NR3C2: variants seen among roughly 807,000 people sequenced by gnomAD.
NR3C2 encodes the protein nuclear receptor subfamily 3 group C member 2.
NR3C2 carries 15 observed loss-of-function variants against 86.4 expected under a neutral mutation model. The observed-to-expected ratio is 0.17, with a 90% CI of 0.12 to 0.27. The LOEUF (loss-of-function observed/expected upper bound fraction) is 0.27. NR3C2 is among the 10% of genes least tolerant of loss of function. The pLI is 1.00. For missense variants in NR3C2, 960 were observed against 1,195.6 expected (o/e 0.80, Z 2.91); for synonymous variants, 458 against 450.5 (o/e 1.02, Z -0.21).
At chr4:148,442,801 C>A (rs1361325035), upstream of NR3C2, 1 of 985,334 alleles carries the variant, frequency 1.0e-6, no homozygotes, top group Non-Finnish European at 1.2e-6. Context: ...GCCCCCACCC[C>A]CATCGCTCGG....
At chr4:148,134,643 C>CTTTTTTT (rs1175816621) in intron 6 of NR3C2, among the ~76,000 whole-genome samples, 5 of 40,804 alleles carry the variant, frequency 1.2e-4, no homozygotes, top group East Asian at 1.6e-3. Context: ...CTCTCTCTCT[C>CTTTTTTT]TTTTTTTTTT....
chr4:148,143,132 A>T (rs1490311364), intron 6 of NR3C2, among the ~76,000 whole-genome samples: 2 of 152,196 alleles, frequency 1.3e-5, no homozygotes, highest in African/African-American at 4.8e-5. Context: ...GATCAGGCAA[A>T]ATCTGTCTGA....
chr4:148,299,782 C>T lies in NR3C2; in HGVS notation c.1758-39665G>A, dbSNP rs977245478. Reference sequence around the variant, plus strand: ...ATTTTTATTTTTTTATTTTTTTCTCCACCCTGTCAGCAGTTAACACAGCCT... The same window carrying T: ...ATTTTTATTTTTTTATTTTTTTCTCTACCCTGTCAGCAGTTAACACAGCCT... On this transcript the variant is annotated intron_variant, in intron 2 of 8. Coordinates refer to ENST00000358102, the MANE Select transcript of NR3C2 (RefSeq NM_000901.5). Among the ~76,000 whole-genome samples, 17 of 152,082 alleles carry T rather than the reference C, an allele frequency of 1.1e-4. 1 individual carries two copies. The highest frequency in any genetic ancestry group is 1.0e-3 in the Admixed American group (16 of 15,282).
intron 2 of NR3C2, among the ~76,000 whole-genome samples, chr4:148,342,822 G>A (rs189508400): frequency 8.7e-4 from 132 of 152,060 alleles, no homozygotes; most frequent in Admixed American, 2.6e-4. Flanking sequence ...TACTTCAGTC[G>A]TTTTGTCTGT....
intron 8 of NR3C2, among the ~76,000 whole-genome samples, chr4:148,113,041 G>T (rs921891223): frequency 2.6e-5 from 4 of 152,148 alleles, no homozygotes; most frequent in Non-Finnish European, 5.9e-5. Flanking sequence ...GTTTGAGCCG[G>T]AATTGGAGAA....
chr4:148,375,020 T>G (rs2126407405), intron 2 of NR3C2, among the ~76,000 whole-genome samples: 1 of 152,368 alleles, frequency 6.6e-6, no homozygotes, highest in African/African-American at 2.4e-5. Context: ...ACGTGGCTAC[T>G]GTATAAAATA....
chr4:148,151,487 G>A (rs1007734536), intron 6 of NR3C2, among the ~76,000 whole-genome samples: 4 of 152,112 alleles, frequency 2.6e-5, no homozygotes, highest in Non-Finnish European at 4.4e-5. Context: ...AGGCCACCTC[G>A]AGAACCAACA....
chr4:148,443,701 C>T (rs1489560180), upstream of NR3C2, among the ~76,000 whole-genome samples: 3 of 152,224 alleles, frequency 2.0e-5, no homozygotes, highest in Non-Finnish European at 4.4e-5. Context: ...TCTGGTCCCC[C>T]GGCCCTCGGC....
intron 8 of NR3C2, among the ~76,000 whole-genome samples, chr4:148,094,835 T>TA (rs1731212314): frequency 6.6e-6 from 1 of 151,320 alleles, no homozygotes; most frequent in Non-Finnish European, 1.5e-5. Flanking sequence ...ATTAACGAAA[T>TA]GTGGCATACA....
At chr4:148,352,377 T>C (rs1238528000) in intron 2 of NR3C2, among the ~76,000 whole-genome samples, 3 of 32,442 alleles carry the variant, frequency 9.2e-5, no homozygotes, top group African/African-American at 3.1e-4. Context: ...TCCTATCATC[T>C]ATCTATCTAT....
chr4:148,392,197 TA>T (rs1747621044), intron 2 of NR3C2, among the ~76,000 whole-genome samples: 1 of 152,206 alleles, frequency 6.6e-6, no homozygotes, highest in Admixed American at 6.5e-5. Context: ...TACCAAATAT[TA>T]ACAAAGAAGC....
chr4:148,113,949 C>G (rs1732157705), intron 8 of NR3C2, among the ~76,000 whole-genome samples, 155 bp downstream of exon 8: 1 of 152,206 alleles, frequency 6.6e-6, no homozygotes, highest in Admixed American at 6.5e-5. Flanking sequence ...CTCTGGGTCT[C>G]TTCTTCAGCC....
chr4:148,122,683 G>C (rs1184154607), intron 6 of NR3C2, among the ~76,000 whole-genome samples: 1 of 152,208 alleles, frequency 6.6e-6, no homozygotes, highest in Non-Finnish European at 1.5e-5. Context: ...AGCCGTGGCA[G>C]AGGAACATAA....
At chr4:148,392,060 G>A (rs1215571573) in intron 2 of NR3C2, among the ~76,000 whole-genome samples, 1 of 151,804 alleles carries the variant, frequency 6.6e-6, no homozygotes, top group African/African-American at 2.4e-5. Context: ...GGTTTAAACA[G>A]AAAGCACCAC....
At chr4:148,258,121 A>C (rs1329614394) in intron 3 of NR3C2, among the ~76,000 whole-genome samples, 1 of 152,218 alleles carries the variant, frequency 6.6e-6, no homozygotes, top group Non-Finnish European at 1.5e-5. Context: ...GTGGGTTCTG[A>C]CATGAAGGTG....
chr4:148,314,038 C>A (rs571768487), intron 2 of NR3C2, among the ~76,000 whole-genome samples: 1 of 152,256 alleles, frequency 6.6e-6, no homozygotes, highest in African/African-American at 2.4e-5. Flanking sequence ...ATCATTAGAA[C>A]AGTACATGGC....
intron 2 of NR3C2, among the ~76,000 whole-genome samples, chr4:148,347,989 C>T (rs542864017): frequency 6.6e-6 from 1 of 152,272 alleles, no homozygotes. Flanking sequence ...AAAGAGAATA[C>T]AGCTTCTAAA....
In NR3C2 at chr4:148,161,919, AT is replaced by A. The variant is rs375458531; in HGVS notation, c.2015-7019del. The stretch of plus-strand genomic sequence containing the variant: ...TACAATATATTTGGAGAGAAAGACA[AT>A]GGCAGAGAGAAGTTGTTTTCTCTCT... On this transcript the variant is annotated intron_variant, in intron 4 of 8. Coordinates refer to ENST00000358102, the MANE Select transcript of NR3C2 (RefSeq NM_000901.5). Among the ~76,000 whole-genome samples, 51 of 152,324 alleles carry A rather than the reference AT, an allele frequency of 3.3e-4. No homozygotes were observed. In the East Asian group the frequency reaches 8.3e-3, roughly 25 times the overall value.
intron 3 of NR3C2, among the ~76,000 whole-genome samples, chr4:148,253,268 G>A (rs191728823): frequency 1.1e-4 from 17 of 152,258 alleles, no homozygotes; most frequent in Admixed American, 9.8e-4. Context: ...ATCATGTTTG[G>A]TTTGGGGCTC....
Sources: gnomAD v4.1 joint callset for allele counts (sites outside exome capture counted in the v4.1 genomes callset) on GRCh38, gnomAD v4.1.1 for gene constraint, MANE v1.5 for transcripts, NCBI Gene and HGNC (gene_info 2026-07-23, HGNC 2026-07-21) for gene names.